The following IL1RAPL1 variants were observed in gnomAD, a reference collection of about 807,000 sequenced individuals.
IL1RAPL1 encodes interleukin 1 receptor accessory protein like 1.
In IL1RAPL1, 3 loss-of-function variants were observed where a neutral mutation model predicts 48.4. The observed-to-expected ratio is 0.06, with a 90% CI of 0.03 to 0.16. IL1RAPL1 has a LOEUF of 0.16. Among genes scored for constraint, IL1RAPL1 ranks in the 10% least tolerant of loss-of-function variants. The pLI, the probability that IL1RAPL1 is intolerant of heterozygous loss-of-function variation, is 1.00. For missense variants in IL1RAPL1, 349 were observed against 530.6 expected, an observed-to-expected ratio of 0.66 and a Z score of 3.36; for synonymous variants, 185 against 187.7, an observed-to-expected ratio of 0.99 and a Z score of 0.12.
chrX:28,827,780 G>A (rs747826901), intron 2 of IL1RAPL1, among the ~76,000 whole-genome samples: 1 of 111,831 alleles, frequency 8.9e-6, no homozygotes, highest in African/African-American at 3.2e-5. Flanking sequence ...TATCTCTTCT[G>A]TTAGCTTAAT....
At chrX:28,946,562 A>G (rs1161501801) in intron 2 of IL1RAPL1, among the ~76,000 whole-genome samples, 1 of 111,558 alleles carries the variant, frequency 9.0e-6, no homozygotes, top group African/African-American at 3.3e-5. Context: ...ATGAGCCATA[A>G]TTATTAAAAA....
chrX:29,948,801 A>G (rs768185371), intron 9 of IL1RAPL1, among the ~76,000 whole-genome samples: 14 of 107,540 alleles, frequency 1.3e-4, no homozygotes, highest in Non-Finnish European at 2.3e-4. Context: ...CCACTAGTCA[A>G]TTTCACTTAT....
chrX:29,626,993 G>C (rs1924634208), intron 5 of IL1RAPL1, among the ~76,000 whole-genome samples: 1 of 112,180 alleles, frequency 8.9e-6, no homozygotes. Flanking sequence ...TTACTCATGA[G>C]ATACTCCCCA....
At chrX:28,815,589 T>C (rs1318268574) in intron 2 of IL1RAPL1, among the ~76,000 whole-genome samples, 1 of 105,688 alleles carries the variant, frequency 9.5e-6, no homozygotes, top group Non-Finnish European at 2.0e-5. Flanking sequence ...TACCCATTAA[T>C]CAACCTCGCT....
At chrX:29,664,390 C>A (rs1422063557) in intron 5 of IL1RAPL1, among the ~76,000 whole-genome samples, 2 of 83,982 alleles carry the variant, frequency 2.4e-5, no homozygotes, top group Non-Finnish European at 4.3e-5. Flanking sequence ...GGCAACAGAG[C>A]GAGACTCCGT....
At chrX:29,538,189 A>T (rs1374432745) in intron 5 of IL1RAPL1, among the ~76,000 whole-genome samples, 4 of 108,688 alleles carry the variant, frequency 3.7e-5, no homozygotes, top group Middle Eastern at 4.5e-3. Flanking sequence ...TTTGTAAAAT[A>T]AACCATTAAA....
At chrX:28,626,294 T>G (rs1438565536) in intron 1 of IL1RAPL1, among the ~76,000 whole-genome samples, 2 of 112,641 alleles carry the variant, frequency 1.8e-5, no homozygotes, top group Non-Finnish European at 3.8e-5. Context: ...TATTATGAAC[T>G]ATTTTAAACA....
At chrX:29,079,186 G>T (rs969791201) in intron 2 of IL1RAPL1, among the ~76,000 whole-genome samples, 2 of 111,252 alleles carry the variant, frequency 1.8e-5, no homozygotes, top group African/African-American at 6.5e-5. Context: ...ATTATGGGGG[G>T]CATATTTAAT....
chrX:29,703,557 A>G (rs1320646699), intron 6 of IL1RAPL1, among the ~76,000 whole-genome samples: 1 of 111,149 alleles, frequency 9.0e-6, no homozygotes, highest in Non-Finnish European at 1.9e-5. Flanking sequence ...GTTTGCCAGG[A>G]TGGTCTCGAT....
At chrX:28,788,283 C>T (rs1936493861) in intron 1 of IL1RAPL1, among the ~76,000 whole-genome samples, 1 of 108,540 alleles carries the variant, frequency 9.2e-6, no homozygotes, top group Non-Finnish European at 1.9e-5. Context: ...GTGAATTATA[C>T]CTCAATAAAG....
chrX:29,601,807 G>A (rs748398220), intron 5 of IL1RAPL1, among the ~76,000 whole-genome samples: 7 of 111,981 alleles, frequency 6.3e-5, no homozygotes, highest in South Asian at 7.4e-4. Context: ...TCTGTTTGAG[G>A]TTCACAGAAA....
At chrX:29,537,924 A>G (rs1815528100) in intron 5 of IL1RAPL1, among the ~76,000 whole-genome samples, 1 of 111,752 alleles carries the variant, frequency 8.9e-6, no homozygotes, top group East Asian at 2.8e-4. Flanking sequence ...CTAAACTTCT[A>G]AAACATGTAA....
chrX:28,875,496 A>G (rs1035778486), intron 2 of IL1RAPL1, among the ~76,000 whole-genome samples: 2 of 112,068 alleles, frequency 1.8e-5, no homozygotes, highest in Non-Finnish European at 3.8e-5. Context: ...AGCTCTTGCT[A>G]TATGTCTATT....
intron 2 of IL1RAPL1, among the ~76,000 whole-genome samples, chrX:28,987,224 C>T (rs771531886): frequency 1.8e-5 from 2 of 112,192 alleles, no homozygotes; most frequent in Non-Finnish European, 3.8e-5. Flanking sequence ...CAGTAGTCTG[C>T]CTTGCAGAAT....
chrX:29,742,963 A>C (rs5928242), intron 6 of IL1RAPL1, among the ~76,000 whole-genome samples: 40,371 of 109,192 alleles, frequency 0.37, 5,444 homozygotes, highest in Admixed American at 0.47. Flanking sequence ...TGACCTTGAG[A>C]AAATCAGCTA....
intron 2 of IL1RAPL1, among the ~76,000 whole-genome samples, chrX:28,896,814 A>C (rs57460653): frequency 0.41 from 44,218 of 108,607 alleles, 6,656 homozygotes; most frequent in Middle Eastern, 0.59. Context: ...TGCATTGGGA[A>C]CAAAGAGTAG....
At chrX:29,101,347 C>T (rs1217963907) in intron 2 of IL1RAPL1, among the ~76,000 whole-genome samples, 1 of 111,646 alleles carries the variant, frequency 9.0e-6, no homozygotes, top group African/African-American at 3.3e-5. Flanking sequence ...GTAATGAGAT[C>T]GAAGCTGTAA....
At chrX:29,472,983 G>A (rs924858988) in intron 5 of IL1RAPL1, among the ~76,000 whole-genome samples, 3 of 111,486 alleles carry the variant, frequency 2.7e-5, no homozygotes, top group African/African-American at 6.5e-5. Flanking sequence ...TATTAGCTTC[G>A]TAGGGCTGCT....
At position 29,732,700 on chromosome X, in the gene IL1RAPL1, A is replaced by AT. The variant is rs757290817; in HGVS notation, c.778+64197dup. 3.6e-5 allele frequency among the ~76,000 whole-genome samples: 4 copies of AT among 111,831 alleles called. No homozygotes were observed. In the East Asian group the frequency reaches 1.1e-3, roughly 32 times the overall value. ...TGATGTTATCATATTTTTCTGATGC[A>AT]TCTTCTTTATGAATACTTTTTGGAG... On this transcript the variant is annotated intron_variant, in intron 6 of 10. Transcript: ENST00000378993.
Sources: gnomAD v4.1 joint callset for allele counts (sites outside exome capture counted in the v4.1 genomes callset) on GRCh38, gnomAD v4.1.1 for gene constraint, MANE v1.5 for transcripts, NCBI Gene and HGNC (gene_info 2026-07-23, HGNC 2026-07-21) for gene names.